The following MACROD2 variants were observed in gnomAD, a reference collection of about 807,000 sequenced individuals.
The protein encoded by MACROD2 is mono-ADP ribosylhydrolase 2, also known as ADP-ribose glycohydrolase MACROD2.
A neutral mutation model predicts 70.4 loss-of-function variants in MACROD2; 36 were observed. The observed-to-expected ratio is 0.51, with a 90% CI of 0.39 to 0.68. MACROD2 has a LOEUF of 0.68. MACROD2 is among the 30% of genes least tolerant of loss of function. The pLI is 0.00. For missense variants in MACROD2, 496 were observed against 538.4 expected (o/e 0.92, Z 0.78); for synonymous variants, 172 against 178.8 (o/e 0.96, Z 0.30).
At chr20:15,309,372 G>T (rs1184313460) in intron 6 of MACROD2, among the ~76,000 whole-genome samples, 1 of 152,104 alleles carries the variant, frequency 6.6e-6, no homozygotes, top group Non-Finnish European at 1.5e-5. Context: ...GGAAAGGCAG[G>T]ACTTAATTAG....
chr20:15,664,508 C>G (rs1253840213), intron 8 of MACROD2, among the ~76,000 whole-genome samples: 1 of 152,190 alleles, frequency 6.6e-6, no homozygotes, highest in East Asian at 1.9e-4. Context: ...AGGCTTAAAG[C>G]TCCAATCATT....
At chr20:15,828,375 A>G (rs116017335) in intron 8 of MACROD2, among the ~76,000 whole-genome samples, 44 of 152,220 alleles carry the variant, frequency 2.9e-4, no homozygotes, top group African/African-American at 9.9e-4. Flanking sequence ...AAAAAGTTTG[A>G]TGGCCAAATT....
At chr20:15,796,488 A>G (rs2063675289) in intron 8 of MACROD2, among the ~76,000 whole-genome samples, 2 of 152,236 alleles carry the variant, frequency 1.3e-5, no homozygotes, top group South Asian at 4.1e-4. Flanking sequence ...CAATTAAATA[A>G]AGAAGTTATT....
chr20:15,445,391 C>T (rs2180528), intron 7 of MACROD2, among the ~76,000 whole-genome samples: 71,940 of 151,886 alleles, frequency 0.47, 17,562 homozygotes, highest in African/African-American at 0.61. Flanking sequence ...TCCCTAAAAT[C>T]TAACTAAGTC....
intron 3 of MACROD2, among the ~76,000 whole-genome samples, chr20:14,448,676 AAAAG>A (rs1225122958): frequency 6.8e-6 from 1 of 146,822 alleles, no homozygotes; most frequent in African/African-American, 2.5e-5. Flanking sequence ...TCAGAAAAAA[AAAAG>A]AAAGAAAGAA....
intron 4 of MACROD2, among the ~76,000 whole-genome samples, chr20:14,545,283 G>A (rs1309120321): frequency 6.6e-6 from 1 of 152,152 alleles, no homozygotes; most frequent in Non-Finnish European, 1.5e-5. Flanking sequence ...TACCTGGGTG[G>A]GTTTTGGGTA....
At chr20:14,363,316 T>C (rs2083240799) in intron 3 of MACROD2, among the ~76,000 whole-genome samples, 1 of 151,978 alleles carries the variant, frequency 6.6e-6, no homozygotes, top group African/African-American at 2.4e-5. Flanking sequence ...GCTGTGGAAA[T>C]AGAGGAGTAG....
intron 7 of MACROD2, among the ~76,000 whole-genome samples, chr20:15,484,377 C>T (rs2047139026): frequency 6.6e-6 from 1 of 152,094 alleles, no homozygotes; most frequent in African/African-American, 2.4e-5. Context: ...TCTTGGCAAC[C>T]CTGTACCTCT....
chr20:15,722,814 T>C (rs931292839), intron 8 of MACROD2, among the ~76,000 whole-genome samples: 1 of 152,190 alleles, frequency 6.6e-6, no homozygotes, highest in Non-Finnish European at 1.5e-5. Context: ...TCTGAAGTCA[T>C]GAGGCTATCA....
intron 3 of MACROD2, among the ~76,000 whole-genome samples, chr20:14,187,859 A>G (rs887264947): frequency 1.3e-5 from 2 of 152,068 alleles, no homozygotes; most frequent in Admixed American, 6.6e-5. Flanking sequence ...TCTATTAACT[A>G]TTTTTTTGTA....
chr20:15,739,346 A>G (rs1315942558), intron 8 of MACROD2, among the ~76,000 whole-genome samples: 1 of 152,216 alleles, frequency 6.6e-6, no homozygotes, highest in African/African-American at 2.4e-5. Context: ...AGGGGTTCAA[A>G]TCTGGATTTG....
chr20:15,611,117 A>C (rs1432462259), intron 8 of MACROD2, among the ~76,000 whole-genome samples: 1 of 148,896 alleles, frequency 6.7e-6, no homozygotes, highest in African/African-American at 2.5e-5. Flanking sequence ...CAGTCTGTAC[A>C]GCTAAGAGCA....
At chr20:14,454,393 A>G (rs902480586) in intron 3 of MACROD2, among the ~76,000 whole-genome samples, 5 of 150,698 alleles carry the variant, frequency 3.3e-5, no homozygotes, top group African/African-American at 1.2e-4. Context: ...ATGTAGCTAG[A>G]TGTATGATCC....
rs774603254 is a variant in MACROD2 at position 14,326,254 on chromosome 20, A to G, written c.272-167225A>G. On this transcript the variant is annotated intron_variant, in intron 3 of 17. Coordinates refer to ENST00000684519, the MANE Select transcript of MACROD2 (RefSeq NM_001351661.2). The surrounding 1 kb of genome is among the most constrained non-coding windows in gnomAD (Gnocchi z 5.5). The stretch of plus-strand genomic sequence containing the variant: ...AGAGATATGAATGGTATCAGAGGTG[A>G]CAGACTTCACAGTAATTGTAATTGT... 1.2e-6 allele frequency: 2 copies of G among 1,613,946 alleles called. No homozygotes were observed. Among genetic ancestry groups the G allele is most frequent in the Non-Finnish European group, 1.7e-6 (2 of 1,179,882 alleles).
At chr20:15,264,513 A>G (rs2077275670) in intron 6 of MACROD2, among the ~76,000 whole-genome samples, 1 of 152,200 alleles carries the variant, frequency 6.6e-6, no homozygotes, top group Admixed American at 6.5e-5. Context: ...AGATGATTGA[A>G]GCTTAAAAAG....
At chr20:14,983,301 T>G (rs1443800799) in intron 5 of MACROD2, among the ~76,000 whole-genome samples, 1 of 152,178 alleles carries the variant, frequency 6.6e-6, no homozygotes, top group South Asian at 2.1e-4. Flanking sequence ...GACTTTGGAC[T>G]GTGGACTTTT....
chr20:14,820,465 A>G (rs925285869), intron 5 of MACROD2, among the ~76,000 whole-genome samples: 21 of 151,356 alleles, frequency 1.4e-4, no homozygotes, highest in Admixed American at 1.3e-3. Context: ...ATGTGGCTCA[A>G]CTTACTCACA....
At chr20:14,639,949 A>C (rs951194504) in intron 4 of MACROD2, among the ~76,000 whole-genome samples, 1 of 151,484 alleles carries the variant, frequency 6.6e-6, no homozygotes, top group African/African-American at 2.4e-5. Flanking sequence ...ATCGTTCTCA[A>C]CTCTCCCTCC....
At chr20:14,650,857 G>A (rs1205024943) in intron 4 of MACROD2, among the ~76,000 whole-genome samples, 2 of 152,196 alleles carry the variant, frequency 1.3e-5, no homozygotes, top group Non-Finnish European at 2.9e-5. Flanking sequence ...GTAAACTCAT[G>A]TCATTTGGTC....
Sources: gnomAD v4.1 joint callset for allele counts (sites outside exome capture counted in the v4.1 genomes callset) on GRCh38, gnomAD v4.1.1 for gene constraint, Gnocchi (gnomAD v3.1) non-coding constraint, MANE v1.5 for transcripts, NCBI Gene and HGNC (gene_info 2026-07-23, HGNC 2026-07-21) for gene names.